TBXAS1: variants seen among roughly 807,000 people sequenced by gnomAD.
The protein encoded by TBXAS1 is thromboxane-A synthase.
TBXAS1 carries 48 observed loss-of-function variants against 60.7 expected under a neutral mutation model. The observed-to-expected ratio is 0.79, with a 90% CI of 0.63 to 1.01. TBXAS1 has a LOEUF of 1.01. Ranked by LOEUF, TBXAS1 falls within the 50% of genes least tolerant of loss-of-function variation. The probability of loss-of-function intolerance (pLI) is 0.00; values close to 1 mark genes in which losing one functional copy is unlikely to be tolerated. For synonymous variants in TBXAS1, 287 were observed against 269.7 expected (o/e 1.06, Z -0.63); for missense variants, 685 against 686.3 (o/e 1.00, Z 0.02).
intron 1 of TBXAS1, among the ~76,000 whole-genome samples, chr7:139,849,351 A>G (rs1176356168): frequency 1.3e-5 from 2 of 151,910 alleles, no homozygotes; most frequent in East Asian, 3.9e-4. Flanking sequence ...TGCACTTCCA[A>G]CAGCAAAGAC....
chr7:139,983,228 C>T (rs1473406957), intron 9 of TBXAS1, among the ~76,000 whole-genome samples: 8 of 152,194 alleles, frequency 5.3e-5, no homozygotes, highest in East Asian at 1.9e-4. Context: ...TCTTCAACCT[C>T]GGCTCACTAT....
intron 4 of TBXAS1, among the ~76,000 whole-genome samples, chr7:139,935,260 A>G (rs1292381185): frequency 1.3e-5 from 2 of 152,232 alleles, no homozygotes. Context: ...ATTTGCATAT[A>G]ACCTATGTAC....
chr7:139,797,130 A>G (rs1797593698), intron 4 of TBXAS1: 1 of 152,230 alleles, frequency 6.6e-6, no homozygotes. Context: ...TTTACACATA[A>G]ATAGAAAGAA....
At chr7:139,905,661 C>T (rs188224912) in intron 3 of TBXAS1, among the ~76,000 whole-genome samples, 1 of 152,244 alleles carries the variant, frequency 6.6e-6, no homozygotes, top group East Asian at 1.9e-4. Context: ...CCTTCTTTCT[C>T]TATCTTGTGG....
intron 5 of TBXAS1, among the ~76,000 whole-genome samples, chr7:139,943,567 C>G (rs1460372085): frequency 6.6e-6 from 1 of 152,248 alleles, no homozygotes; most frequent in Non-Finnish European, 1.5e-5. Context: ...ATGTGCCTCA[C>G]AGCTTGGCTG....
chr7:139,899,878 C>T (rs1278224708), intron 3 of TBXAS1, among the ~76,000 whole-genome samples: 2 of 152,172 alleles, frequency 1.3e-5, no homozygotes, highest in Non-Finnish European at 2.9e-5. Context: ...GAATAGATGA[C>T]AGCATGCTCA....
At chr7:140,007,374 T>C (rs1302037062) in intron 10 of TBXAS1, among the ~76,000 whole-genome samples, 192 bp downstream of exon 10, 1 of 152,184 alleles carries the variant, frequency 6.6e-6, no homozygotes, top group Non-Finnish European at 1.5e-5. Flanking sequence ...TTAACAACCT[T>C]CTCAAAGCTT....
At chr7:139,984,634 GA>G (rs1812217874) in intron 9 of TBXAS1, among the ~76,000 whole-genome samples, 1 of 123,602 alleles carries the variant, frequency 8.1e-6, no homozygotes, top group African/African-American at 3.2e-5. Flanking sequence ...GAGAGAGAGA[GA>G]GAGAGAGAAA....
Position 139,789,922 on chromosome 7 carries a change from C to T in TBXAS1, c.-80+2496C>T, listed in dbSNP as rs113122918. ...CTGGGATTACAGGCGTGAGCCACCGCACCCGGCCTAAACATATTTTCTTCT... is the reference window on the plus strand; with the variant it reads ...CTGGGATTACAGGCGTGAGCCACCGTACCCGGCCTAAACATATTTTCTTCT... On this transcript the variant is annotated intron_variant, in intron 4 of 16. Coordinates refer to the TBXAS1 transcript ENST00000336425. 8.5e-3 allele frequency among the ~76,000 whole-genome samples: 1,292 copies of T among 152,308 alleles called. 14 individuals carry two copies. The highest frequency in any genetic ancestry group is 0.029 in the African/African-American group (1,207 of 41,570).
rs139587232 is a variant in TBXAS1 at position 139,843,091 on chromosome 7, C to T, written c.89+13612C>T. On this transcript the variant is annotated intron_variant, in intron 1 of 12. Coordinates refer to ENST00000448866, the MANE Select transcript of TBXAS1 (RefSeq NM_001061.7). ...TGCCCTAAAGTCCTCGCATGTGCTT[C>T]CCTCCTTCCTGCACTGACATGCCTG... is the stretch of plus-strand genomic sequence containing the variant. 1.6e-3 allele frequency among the ~76,000 whole-genome samples: 242 copies of T among 152,290 alleles called. No homozygotes were observed. In the Middle Eastern group the frequency reaches 0.024, roughly 15 times the overall value.
intron 9 of TBXAS1, among the ~76,000 whole-genome samples, chr7:139,977,437 G>A (rs1434034197): frequency 1.3e-5 from 2 of 152,004 alleles, no homozygotes; most frequent in South Asian, 2.1e-4. Context: ...TTCAATTACC[G>A]CCCACCAGTT....
intron 4 of TBXAS1, 24 bp from the exon 5 acceptor site, chr7:139,936,167 C>G: frequency 6.2e-7 from 1 of 1,613,384 alleles, no homozygotes; most frequent in Non-Finnish European, 8.5e-7. Context: ...GAGTCCTGAC[C>G]CTCTGCTTGT....
intron 4 of TBXAS1, among the ~76,000 whole-genome samples, chr7:139,924,235 T>A (rs1806711260): frequency 6.6e-6 from 1 of 152,202 alleles, no homozygotes; most frequent in African/African-American, 2.4e-5. Flanking sequence ...CAAACTGTTC[T>A]CCATAGTGAT....
intron 4 of TBXAS1, among the ~76,000 whole-genome samples, chr7:139,931,595 A>C (rs1209426745): frequency 1.3e-5 from 2 of 152,208 alleles, no homozygotes; most frequent in African/African-American, 2.4e-5. Context: ...AGCAGACAAG[A>C]GAAGAGGACC....
intron 9 of TBXAS1, among the ~76,000 whole-genome samples, chr7:139,967,853 T>C (rs1383909549): frequency 1.3e-5 from 2 of 152,204 alleles, no homozygotes; most frequent in African/African-American, 4.8e-5. Flanking sequence ...CTCAATTTCC[T>C]GTTATGTGAT....
intron 4 of TBXAS1, among the ~76,000 whole-genome samples, chr7:139,803,663 G>A (rs1049110634): frequency 3.3e-5 from 5 of 152,096 alleles, no homozygotes; most frequent in African/African-American, 1.2e-4. Flanking sequence ...CCAGGCCCAG[G>A]CCCCCACTGT....
intron 9 of TBXAS1, among the ~76,000 whole-genome samples, chr7:139,997,898 C>T (rs1225367286): frequency 6.6e-6 from 1 of 152,234 alleles, no homozygotes; most frequent in East Asian, 1.9e-4. Flanking sequence ...GAAACCTGTA[C>T]TCTGTTCACC....
At chr7:139,966,976 G>T (rs985633371) in intron 9 of TBXAS1, among the ~76,000 whole-genome samples, 3 of 152,180 alleles carry the variant, frequency 2.0e-5, no homozygotes, top group Admixed American at 6.5e-5. Flanking sequence ...TCCCTGCGGG[G>T]CTTCTGACGT....
At chr7:139,796,090 A>G (rs928953769) in intron 4 of TBXAS1, among the ~76,000 whole-genome samples, 1 of 152,226 alleles carries the variant, frequency 6.6e-6, no homozygotes, top group Non-Finnish European at 1.5e-5. Context: ...ACATTTGTTT[A>G]GAACAAACCA....
Sources: allele counts gnomAD v4.1 joint callset (sites outside exome capture counted in the v4.1 genomes callset), GRCh38; gene constraint gnomAD v4.1.1; transcripts MANE v1.5; gene names NCBI Gene and HGNC (gene_info 2026-07-23, HGNC 2026-07-21).